The following SH3BP5 variants were observed in gnomAD, a reference collection of about 807,000 sequenced individuals.
SH3BP5 encodes SH3 domain binding protein 5, also known as SH3 domain-binding protein 5.
A neutral mutation model predicts 43.3 loss-of-function variants in SH3BP5; 22 were observed. That is an observed-to-expected ratio of 0.51 (90% CI 0.36 to 0.73). The LOEUF (loss-of-function observed/expected upper bound fraction) is 0.73, where lower values mean the gene tolerates loss of function less well. SH3BP5 is among the 30% of genes least tolerant of loss of function. The pLI is 0.00. For missense variants in SH3BP5, 529 were observed against 586.9 expected (o/e 0.90, Z 1.02); for synonymous variants, 255 against 225.8 (o/e 1.13, Z -1.16).
intron 1 of SH3BP5, among the ~76,000 whole-genome samples, chr3:15,339,029 G>C (rs1205498521): frequency 6.6e-6 from 1 of 152,146 alleles, no homozygotes; most frequent in East Asian, 1.9e-4. Flanking sequence ...ATGGCACATA[G>C]CAAGGTGGAA....
In SH3BP5 at chr3:15,327,272, C is replaced by T. The variant is rs550473870; in HGVS notation, c.201+3232G>A. ...AAAATTAGCCAGGCATGGTGGCGCA[C>T]GCCTGTAATCCCAGCTACTCGGGAG... On this transcript the variant is annotated intron_variant, in intron 2 of 8. Transcript: ENST00000383791. 4.7e-4 allele frequency among the ~76,000 whole-genome samples: 71 copies of T among 152,226 alleles called. 1 individual carries two copies. Among genetic ancestry groups the T allele is most frequent in the African/African-American group, 1.4e-3 (59 of 41,544 alleles).
chr3:15,302,701 T>C (rs1407015946), intron 3 of SH3BP5, among the ~76,000 whole-genome samples: 3 of 152,144 alleles, frequency 2.0e-5, no homozygotes, highest in Non-Finnish European at 2.9e-5. Flanking sequence ...GGACTTAATT[T>C]CCAAAGGGTC....
At chr3:15,261,223 G>C (rs184042707) in intron 5 of SH3BP5, among the ~76,000 whole-genome samples, 2 of 152,344 alleles carry the variant, frequency 1.3e-5, no homozygotes, top group African/African-American at 2.4e-5. Flanking sequence ...AGTCAATTAA[G>C]TGCAATAGTA....
At chr3:15,292,789 GGT>G (rs1391874414) in intron 3 of SH3BP5, among the ~76,000 whole-genome samples, 2 of 151,944 alleles carry the variant, frequency 1.3e-5, no homozygotes, top group Non-Finnish European at 2.9e-5. Flanking sequence ...CGGAGGTTGT[GGT>G]GAGCCGAGAT....
chr3:15,269,632 C>T (rs937461176), intron 4 of SH3BP5, 81 bp downstream of exon 4: 68 of 1,407,272 alleles, frequency 4.8e-5, no homozygotes, highest in Non-Finnish European at 5.9e-5. Flanking sequence ...GCCTGGGAGT[C>T]GAGTCTGTTA....
upstream of SH3BP5, among the ~76,000 whole-genome samples, chr3:15,335,400 C>A (rs56940117): frequency 6.6e-6 from 1 of 151,544 alleles, no homozygotes; most frequent in Non-Finnish European, 1.5e-5. Flanking sequence ...AAAAGAAACA[C>A]CTCATCTCTA....
At chr3:15,269,264 G>C (rs1696729402) in intron 4 of SH3BP5, among the ~76,000 whole-genome samples, 1 of 152,080 alleles carries the variant, frequency 6.6e-6, no homozygotes, top group African/African-American at 2.4e-5. Flanking sequence ...ACCTGATTCT[G>C]GTCTAATCCG....
chr3:15,262,388 A>G (rs1008836993), intron 4 of SH3BP5, 99 bp from the exon 5 acceptor site: 2 of 1,400,074 alleles, frequency 1.4e-6, no homozygotes, highest in Non-Finnish European at 1.9e-6. Flanking sequence ...TTGCCCGGGC[A>G]TGGTGACACA....
intron 4 of SH3BP5, among the ~76,000 whole-genome samples, chr3:15,267,446 A>G (rs996087980): frequency 3.9e-5 from 6 of 152,200 alleles, no homozygotes; most frequent in African/African-American, 1.4e-4. Flanking sequence ...TTTCCAGCCT[A>G]TGCAACTGTG....
At chr3:15,267,803 C>T (rs890337490) in intron 4 of SH3BP5, among the ~76,000 whole-genome samples, 2 of 152,102 alleles carry the variant, frequency 1.3e-5, no homozygotes, top group Admixed American at 1.3e-4. Context: ...CCACTGGGGC[C>T]CTGGGACTTA....
chr3:15,257,127 G>A lies in SH3BP5; in HGVS notation c.890-14C>T. On this transcript the variant is annotated splice_polypyrimidine_tract_variant and intron_variant, in intron 7 of 8. Coordinates refer to ENST00000383791, the MANE Select transcript of SH3BP5 (RefSeq NM_004844.5). ...CCTCCGAGGCCACTAAGTTGAGAGA[G>A]AACACCAGTCACATGGGTTCTGTCA... 1 of 1,610,610 alleles carries A rather than the reference G, an allele frequency of 6.2e-7. No individual in the cohort carries two copies. The highest frequency in any genetic ancestry group is 1.1e-5 in the South Asian group (1 of 90,754).
intron 3 of SH3BP5, among the ~76,000 whole-genome samples, chr3:15,274,283 T>C (rs552886479): frequency 6.6e-6 from 1 of 151,782 alleles, no homozygotes; most frequent in African/African-American, 2.4e-5. Flanking sequence ...AAGAAATACC[T>C]GAGACTGCGT....
chr3:15,290,070 T>A (rs776107713), intron 3 of SH3BP5, among the ~76,000 whole-genome samples: 9 of 152,304 alleles, frequency 5.9e-5, no homozygotes, highest in Non-Finnish European at 1.0e-4. Flanking sequence ...TGACAGTGAA[T>A]TGATGAGCAC....
At position 15,304,121 on chromosome 3, in the gene SH3BP5, T is replaced by C; in HGVS notation, c.312A>G (p.Ala104=). ...ATCTTACCTGCCTCGCCACCCTCCG[T>C]GCCTCCCAGTAGGGCTTGGAGTCTT... ...AVEDSKPYWE[A]RRVARQAQLE... is the part of the protein sequence containing the mutation. Residue 104 remains alanine, a synonymous_variant, in exon 3 of 9, where the codon GCA becomes GCG. Coordinates refer to ENST00000383791, the MANE Select transcript of SH3BP5 (RefSeq NM_004844.5). The C allele has an allele frequency of 1.2e-6, 2 of 1,614,150 alleles. No individual in the cohort carries two copies. The highest frequency in any genetic ancestry group is 1.7e-6 in the Non-Finnish European group (2 of 1,180,014).
chr3:15,269,135 C>G (rs1696725063), intron 4 of SH3BP5, among the ~76,000 whole-genome samples: 1 of 152,064 alleles, frequency 6.6e-6, no homozygotes, highest in Non-Finnish European at 1.5e-5. Context: ...AGTAAAGAAC[C>G]CAATATAATG....
exon 1 of SH3BP5, chr3:15,341,363 T>C (rs2103079): frequency 0.24 from 36,139 of 152,294 alleles, 4,586 homozygotes; most frequent in African/African-American, 0.33. Flanking sequence ...ATAGCAAGGC[T>C]TTCTCCAACT....
At chr3:15,295,404 C>G (rs1205340028) in intron 3 of SH3BP5, among the ~76,000 whole-genome samples, 2 of 152,176 alleles carry the variant, frequency 1.3e-5, no homozygotes, top group Non-Finnish European at 2.9e-5. Context: ...TGTTTTGGCT[C>G]TCATACTGTA....
intron 3 of SH3BP5, among the ~76,000 whole-genome samples, chr3:15,274,255 AAAAG>A (rs201056406): frequency 5.2e-4 from 79 of 151,172 alleles, no homozygotes; most frequent in East Asian, 2.3e-3. Context: ...CAACAAAAAA[AAAAG>A]AAAGAAAGAA....
At chr3:15,261,277 T>C (rs2125047234) in intron 5 of SH3BP5, among the ~76,000 whole-genome samples, 1 of 152,348 alleles carries the variant, frequency 6.6e-6, no homozygotes, top group South Asian at 2.1e-4. Flanking sequence ...TACATATGTA[T>C]GTTGGAAGAG....
Sources: gnomAD v4.1 joint callset for allele counts (sites outside exome capture counted in the v4.1 genomes callset) on GRCh38, gnomAD v4.1.1 for gene constraint, MANE v1.5 for transcripts, NCBI Gene and HGNC (gene_info 2026-07-23, HGNC 2026-07-21) for gene names.